The following HS3ST1 variants were observed in gnomAD, a reference collection of about 807,000 sequenced individuals.
The protein encoded by HS3ST1 is heparan sulfate-glucosamine 3-sulfotransferase 1, also known as heparan sulfate glucosamine 3-O-sulfotransferase 1.
Under a neutral mutation model 20.7 loss-of-function variants are expected in HS3ST1, and 8 were observed. The ratio of observed to expected loss-of-function variants is 0.39; its 90% CI spans 0.23 to 0.70. The LOEUF (loss-of-function observed/expected upper bound fraction) is 0.70. Among genes scored for constraint, HS3ST1 ranks in the 30% least tolerant of loss-of-function variants. The pLI, the probability that HS3ST1 is intolerant of heterozygous loss-of-function variation, is 0.46. For missense variants in HS3ST1, 436 were observed against 423.4 expected, an observed-to-expected ratio of 1.03 and a Z score of -0.26; for synonymous variants, 205 against 190.4, an observed-to-expected ratio of 1.08 and a Z score of -0.63.
In HS3ST1 at chr4:11,398,744, G is replaced by C. The variant is rs1218107291; in HGVS notation, c.*338C>G. 1 of 182,378 alleles carries C rather than the reference G, an allele frequency of 5.5e-6. No individual in the cohort carries two copies. Among genetic ancestry groups the C allele is most frequent in the Non-Finnish European group, 1.1e-5 (1 of 89,558 alleles). 11.3% of individuals were successfully genotyped at this position (182,378 alleles called of 1,614,324 possible). ...TTTTGCAATGATTGCAACACAGACA[G>C]CTATTTTGAGTTGGGGGCAAGTTAA... On this transcript the variant is annotated 3_prime_UTR_variant, in exon 2 of 2. Coordinates refer to ENST00000002596, the MANE Select transcript of HS3ST1 (RefSeq NM_005114.4).
rs1718221990 is a variant in HS3ST1, at chr4:11,398,939, A to T, written c.*143T>A. ...AAAAATATAACTAGTATATATGGCAATTGTGAATCTAATACTGTACAGAAG... is the reference window on the plus strand; with the variant it reads ...AAAAATATAACTAGTATATATGGCATTTGTGAATCTAATACTGTACAGAAG... On this transcript the variant is annotated 3_prime_UTR_variant, in exon 2 of 2. Coordinates refer to ENST00000002596, the MANE Select transcript of HS3ST1 (RefSeq NM_005114.4). The T allele has an allele frequency of 1.4e-6, 1 of 690,206 alleles. No individual in the cohort carries two copies. The highest frequency in any genetic ancestry group is 2.7e-5 in the East Asian group (1 of 36,518). The allele number at this position is 690,206 out of a possible 1,614,324, so 42.8% of individuals were successfully genotyped here. A position where few individuals can be genotyped will look rare whatever the true frequency, so the allele number is the denominator to read the frequency against.
chr4:11,393,720 C>G lies in HS3ST1; in HGVS notation c.*5362G>C, dbSNP rs1002024828. 6.6e-6 allele frequency: 1 copy of G among 152,260 alleles called. No homozygotes were observed. The highest frequency in any genetic ancestry group is 2.4e-5 in the African/African-American group (1 of 41,452). 9.4% of individuals were successfully genotyped at this position (152,260 alleles called of 1,614,324 possible). Reference sequence around the variant, plus strand: ...AGCATGAGTTGCACCAGAGGTTGTCCTGCCTGGAGGCAATGAGGGTGGACT... The same window carrying G: ...AGCATGAGTTGCACCAGAGGTTGTCGTGCCTGGAGGCAATGAGGGTGGACT... On this transcript the variant is annotated 3_prime_UTR_variant, in exon 2 of 2. Coordinates refer to ENST00000002596, the MANE Select transcript of HS3ST1 (RefSeq NM_005114.4).
chr4:11,420,017 A>C (rs1321904644), intron 1 of HS3ST1, among the ~76,000 whole-genome samples: 2 of 152,278 alleles, frequency 1.3e-5, no homozygotes, highest in African/African-American at 4.8e-5. Context: ...GCAGCATAGC[A>C]GATTCTAACC....
intron 1 of HS3ST1, among the ~76,000 whole-genome samples, chr4:11,404,636 A>G (rs546666517): frequency 6.6e-6 from 1 of 152,370 alleles, no homozygotes; most frequent in South Asian, 2.1e-4. Flanking sequence ...TTGAACCTGC[A>G]GGCAGCACAA....
intron 1 of HS3ST1, among the ~76,000 whole-genome samples, chr4:11,401,461 C>T (rs1472081210): frequency 1.3e-5 from 2 of 151,860 alleles, no homozygotes; most frequent in Non-Finnish European, 2.9e-5. Context: ...TTTCCTGCCT[C>T]AGTCTCCCGA....
At chr4:11,410,680 T>C (rs1303156111) in intron 1 of HS3ST1, among the ~76,000 whole-genome samples, 1 of 151,896 alleles carries the variant, frequency 6.6e-6, no homozygotes, top group African/African-American at 2.4e-5. Flanking sequence ...GAACATGAGG[T>C]CAAGAGTTCA....
rs1214165175 is a variant in HS3ST1, at chr4:11,397,419, C to T, written c.*1663G>A. The T allele has an allele frequency of 6.6e-6, 1 of 152,356 alleles. No homozygotes were observed. The highest frequency in any genetic ancestry group is 2.4e-5 in the African/African-American group (1 of 41,472). The allele number at this position is 152,356 out of a possible 1,614,324, so 9.4% of individuals were successfully genotyped here. A position where few individuals can be genotyped will look rare whatever the true frequency, so the allele number is the denominator to read the frequency against. On this transcript the variant is annotated 3_prime_UTR_variant, in exon 2 of 2. Coordinates refer to ENST00000002596, the MANE Select transcript of HS3ST1 (RefSeq NM_005114.4). Reference sequence around the variant, plus strand: ...TGAGAAAAATGCAGGCTTCTTCTTGCCCTTCCTGTATCTGGGACACACCTC... The same window carrying T: ...TGAGAAAAATGCAGGCTTCTTCTTGTCCTTCCTGTATCTGGGACACACCTC...
intron 1 of HS3ST1, among the ~76,000 whole-genome samples, chr4:11,401,068 G>C (rs16881406): frequency 0.013 from 1,936 of 152,274 alleles, 33 homozygotes; most frequent in African/African-American, 0.044. Flanking sequence ...CAGCCTGACT[G>C]TAGGCATCAG....
upstream of HS3ST1, chr4:11,429,532 G>A (rs1257090808): frequency 6.6e-6 from 1 of 152,028 alleles, no homozygotes; most frequent in Non-Finnish European, 1.5e-5. Context: ...GCCAGAATCC[G>A]CGTGAGGAGC....
intron 1 of HS3ST1, among the ~76,000 whole-genome samples, chr4:11,421,845 T>A (rs1226008008): frequency 6.6e-6 from 1 of 152,218 alleles, no homozygotes; most frequent in Non-Finnish European, 1.5e-5. Context: ...TGTCCCTGGA[T>A]CCGGAGTCTG....
chr4:11,429,345 C>G (rs1719153469), upstream of HS3ST1: 1 of 152,524 alleles, frequency 6.6e-6, no homozygotes, highest in Non-Finnish European at 1.5e-5. Flanking sequence ...AAGTCGCCAG[C>G]TCGGCACTTG....
Position 11,397,868 on chromosome 4 carries a change from T to C in HS3ST1, c.*1214A>G, listed in dbSNP as rs1718181525. On this transcript the variant is annotated 3_prime_UTR_variant, in exon 2 of 2. Coordinates refer to ENST00000002596, the MANE Select transcript of HS3ST1 (RefSeq NM_005114.4). ...TTTATTTTTATTAAAATCCAATGGG[T>C]TTAATTCTGTAAAAGGCTGACTGCA... 1 of 152,172 alleles carries C rather than the reference T, an allele frequency of 6.6e-6. No homozygotes were observed. Among genetic ancestry groups the C allele is most frequent in the Non-Finnish European group, 1.5e-5 (1 of 68,042 alleles). The allele number at this position is 152,172 out of a possible 1,614,324, so 9.4% of individuals were successfully genotyped here.
chr4:11,426,398 A>G (rs1349592689), intron 1 of HS3ST1, among the ~76,000 whole-genome samples: 1 of 150,444 alleles, frequency 6.6e-6, no homozygotes. Flanking sequence ...TTTTCCAGTA[A>G]AATAATTTCT....
intron 1 of HS3ST1, among the ~76,000 whole-genome samples, chr4:11,416,136 C>T (rs1372298696): frequency 1.3e-5 from 2 of 152,100 alleles, no homozygotes; most frequent in Non-Finnish European, 2.9e-5. Flanking sequence ...CACTTTAAAC[C>T]CTTCATGAGA....
chr4:11,423,566 T>G (rs948160222), intron 1 of HS3ST1, among the ~76,000 whole-genome samples: 3 of 152,204 alleles, frequency 2.0e-5, no homozygotes, highest in Non-Finnish European at 4.4e-5. Flanking sequence ...GTGTTTTGTC[T>G]GTCTCCTCTG....
chr4:11,399,157 A>G lies in HS3ST1; in HGVS notation c.849T>C (p.Asn283=), dbSNP rs1022428079. Residue 283 remains asparagine, a synonymous_variant, in exon 2 of 2, where the codon AAT becomes AAC. Coordinates refer to ENST00000002596, the MANE Select transcript of HS3ST1 (RefSeq NM_005114.4). This position sits in a 1 kb window ranked among gnomAD's most constrained non-coding sequence, Gnocchi z 5.1. ...AHPQVDPKLL[N]KLHEYFHEPN... is the part of the protein sequence containing the mutation. ...GCTCATGAAAATATTCGTGCAGTTT[A>G]TTGAGTAGTTTGGGATCGACTTGGG... The G allele has an allele frequency of 1.2e-6, 2 of 1,614,178 alleles. No individual in the cohort carries two copies. The highest frequency in any genetic ancestry group is 1.7e-6 in the Non-Finnish European group (2 of 1,180,040).
At chr4:11,414,810 C>T (rs757193066) in intron 1 of HS3ST1, among the ~76,000 whole-genome samples, 4 of 152,174 alleles carry the variant, frequency 2.6e-5, no homozygotes, top group Non-Finnish European at 5.9e-5. Flanking sequence ...CTGTGAGTCA[C>T]TAAGTTGGAA....
intron 1 of HS3ST1, among the ~76,000 whole-genome samples, chr4:11,419,191 C>G (rs1009785231): frequency 2.0e-5 from 3 of 152,056 alleles, no homozygotes; most frequent in Admixed American, 6.6e-5. Context: ...CTCCCCACTT[C>G]TCTTCCTCTC....
chr4:11,430,815 C>G (rs1170353820), upstream of HS3ST1, among the ~76,000 whole-genome samples: 4 of 152,182 alleles, frequency 2.6e-5, no homozygotes, highest in Admixed American at 2.6e-4. Flanking sequence ...TGGGAAGTGA[C>G]AGGAATTTGA....
Sources: allele counts gnomAD v4.1 joint callset (sites outside exome capture counted in the v4.1 genomes callset), GRCh38; gene constraint gnomAD v4.1.1; non-coding constraint Gnocchi (gnomAD v3.1); transcripts MANE v1.5; gene names NCBI Gene and HGNC (gene_info 2026-07-23, HGNC 2026-07-21).